The following KCNQ5 variants were observed in gnomAD, a reference collection of about 807,000 sequenced individuals.
KCNQ5 encodes potassium voltage-gated channel subfamily Q member 5.
KCNQ5 carries 30 observed loss-of-function variants against 98.2 expected under a neutral mutation model. The observed-to-expected ratio is 0.31, with a 90% confidence interval of 0.23 to 0.41. KCNQ5 has a LOEUF of 0.41. Among genes scored for constraint, KCNQ5 ranks in the 10% least tolerant of loss-of-function variants. KCNQ5 has a pLI of 1.00. For synonymous variants in KCNQ5, 458 were observed against 449.4 expected, an observed-to-expected ratio of 1.02 and a Z score of -0.24; for missense variants, 835 against 1,182.5, an observed-to-expected ratio of 0.71 and a Z score of 4.31.
chr6:72,869,905 A>G (rs1456241411), intron 1 of KCNQ5, among the ~76,000 whole-genome samples: 4 of 152,198 alleles, frequency 2.6e-5, no homozygotes. Flanking sequence ...ATTTTTGTGC[A>G]AAGAACTTGG....
chr6:72,736,687 G>A (rs961812360), intron 1 of KCNQ5, among the ~76,000 whole-genome samples: 1 of 149,312 alleles, frequency 6.7e-6, no homozygotes, highest in African/African-American at 2.5e-5. Context: ...TTTTAGTAGA[G>A]ACGGGGTTTC....
chr6:72,702,469 G>T (rs1768862333), intron 1 of KCNQ5, among the ~76,000 whole-genome samples: 1 of 151,960 alleles, frequency 6.6e-6, no homozygotes, highest in South Asian at 2.1e-4. Context: ...GTAATTTTTT[G>T]CAAGTGATAA....
intron 1 of KCNQ5, among the ~76,000 whole-genome samples, chr6:72,665,158 G>T (rs1027214948): frequency 1.2e-4 from 18 of 151,912 alleles, no homozygotes; most frequent in Non-Finnish European, 2.9e-5. Flanking sequence ...GACCAGCCTG[G>T]CCAACGTGGT....
At chr6:73,183,031 T>C (rs1778454768) in intron 11 of KCNQ5, among the ~76,000 whole-genome samples, 1 of 152,124 alleles carries the variant, frequency 6.6e-6, no homozygotes, top group African/African-American at 2.4e-5. Context: ...GGCAGATGTT[T>C]TCCAAGTATG....
At position 72,893,121 on chromosome 6, in the gene KCNQ5, G is replaced by A. The variant is rs1018003189; in HGVS notation, c.399-110787G>A. 8.5e-5 allele frequency among the ~76,000 whole-genome samples: 13 copies of A among 152,180 alleles called. 1 individual carries two copies. The highest frequency in any genetic ancestry group is 5.9e-4 in the Admixed American group (9 of 15,270). On this transcript the variant is annotated intron_variant, in intron 1 of 13. Transcript: ENST00000370398. ...CAGCTTTGTGAGCATGCTGCCAGCAGAAGAGTAGGGTAGAGCTGGATGCAT... is the reference window on the plus strand; with the variant it reads ...CAGCTTTGTGAGCATGCTGCCAGCAAAAGAGTAGGGTAGAGCTGGATGCAT...
chr6:72,841,801 T>C (rs1294485706), intron 1 of KCNQ5, among the ~76,000 whole-genome samples: 1 of 152,194 alleles, frequency 6.6e-6, no homozygotes, highest in Non-Finnish European at 1.5e-5. Context: ...AGCTCATCTG[T>C]CGACTTGTAC....
At chr6:72,706,250 T>C (rs1769073629) in intron 1 of KCNQ5, among the ~76,000 whole-genome samples, 1 of 151,966 alleles carries the variant, frequency 6.6e-6, no homozygotes, top group Admixed American at 6.6e-5. Context: ...AGCAGAAACA[T>C]TAACATGCTT....
intron 1 of KCNQ5, among the ~76,000 whole-genome samples, chr6:72,704,756 T>G (rs575029315): frequency 1.2e-3 from 181 of 152,198 alleles, no homozygotes; most frequent in Non-Finnish European, 2.2e-3. Context: ...ATTGCAAATC[T>G]TTTGATTTGG....
chr6:72,900,196 C>T (rs1779431556), intron 1 of KCNQ5, among the ~76,000 whole-genome samples: 1 of 152,004 alleles, frequency 6.6e-6, no homozygotes, highest in Admixed American at 6.6e-5. Flanking sequence ...TCAGTGAGAA[C>T]ATATGATGAT....
At chr6:72,872,915 A>G (rs1375170962) in intron 1 of KCNQ5, among the ~76,000 whole-genome samples, 3 of 152,100 alleles carry the variant, frequency 2.0e-5, no homozygotes, top group Non-Finnish European at 4.4e-5. Flanking sequence ...ATATTGGAGA[A>G]CCTAAACAAT....
At chr6:72,680,415 T>C (rs957720960) in intron 1 of KCNQ5, among the ~76,000 whole-genome samples, 1 of 152,236 alleles carries the variant, frequency 6.6e-6, no homozygotes, top group Non-Finnish European at 1.5e-5. Context: ...CACAGTTTGT[T>C]TATCCACCAA....
intron 1 of KCNQ5, among the ~76,000 whole-genome samples, chr6:72,985,547 C>T (rs1420627563): frequency 6.6e-6 from 1 of 152,162 alleles, no homozygotes; most frequent in African/African-American, 2.4e-5. Flanking sequence ...TAACCTCTTC[C>T]TAATTTTCCA....
intron 1 of KCNQ5, among the ~76,000 whole-genome samples, chr6:72,804,245 A>G (rs1774832412): frequency 6.6e-6 from 1 of 152,116 alleles, no homozygotes; most frequent in South Asian, 2.1e-4. Flanking sequence ...CTGTTGTGCT[A>G]TCAAATAATA....
rs371142277 is a variant in KCNQ5 at position 73,002,101 on chromosome 6, G to A, written c.399-1807G>A. Among the ~76,000 whole-genome samples the A allele has an allele frequency of 1.1e-4, 17 of 152,278 alleles. No individual in the cohort carries two copies. In the East Asian group the frequency reaches 1.7e-3, roughly 16 times the overall value. On this transcript the variant is annotated intron_variant, in intron 1 of 13. Coordinates refer to ENST00000370398, the MANE Select transcript of KCNQ5 (RefSeq NM_019842.4). ...GCTATGAATGCACCACTGCACTCTA[G>A]CCTGGTCAACAGAGGAAGACCCTAT...
intron 1 of KCNQ5, among the ~76,000 whole-genome samples, chr6:72,820,707 A>G (rs540483291): frequency 6.6e-6 from 1 of 152,202 alleles, no homozygotes; most frequent in East Asian, 1.9e-4. Flanking sequence ...AGACAGACTC[A>G]CAGAAAAAGA....
At chr6:73,150,407 G>C (rs1042329479) in intron 10 of KCNQ5, among the ~76,000 whole-genome samples, 1 of 148,622 alleles carries the variant, frequency 6.7e-6, no homozygotes, top group Non-Finnish European at 1.5e-5. Context: ...TCTTTGTAAT[G>C]ACCCAAAACT....
intron 1 of KCNQ5, among the ~76,000 whole-genome samples, chr6:72,858,587 A>G (rs1319334340): frequency 6.6e-6 from 1 of 151,810 alleles, no homozygotes; most frequent in Non-Finnish European, 1.5e-5. Flanking sequence ...CCTCATATTT[A>G]TATTTTCAGT....
chr6:72,901,567 G>T (rs1344468116), intron 1 of KCNQ5, among the ~76,000 whole-genome samples: 1 of 152,092 alleles, frequency 6.6e-6, no homozygotes, highest in African/African-American at 2.4e-5. Flanking sequence ...CCTAAATGTG[G>T]CTTGCCAATT....
rs528148756 is a variant in KCNQ5, at chr6:73,092,627, C to T, written c.919-12630C>T. Reference sequence around the variant, plus strand: ...TGAGAGTTTTAACGATAAAGGAATGCTAGATTTTGTTGAATGCTTTTTCTG... The same window carrying T: ...TGAGAGTTTTAACGATAAAGGAATGTTAGATTTTGTTGAATGCTTTTTCTG... On this transcript the variant is annotated intron_variant, in intron 5 of 13. Coordinates refer to ENST00000370398, the MANE Select transcript of KCNQ5 (RefSeq NM_019842.4). Among the ~76,000 whole-genome samples, 6 of 152,100 alleles carry T rather than the reference C, an allele frequency of 3.9e-5. No homozygotes were observed. In the South Asian group the frequency reaches 1.0e-3, roughly 26 times the overall value.
Sources: allele counts gnomAD v4.1 joint callset (sites outside exome capture counted in the v4.1 genomes callset), GRCh38; gene constraint gnomAD v4.1.1; transcripts MANE v1.5; gene names NCBI Gene and HGNC (gene_info 2026-07-23, HGNC 2026-07-21).